The following ANKRD18A variants were observed in gnomAD, a reference collection of about 807,000 sequenced individuals.
ANKRD18A encodes ankyrin repeat domain-containing protein 18A.
Under a neutral mutation model 110.6 loss-of-function variants are expected in ANKRD18A, and 72 were observed. The observed-to-expected ratio is 0.65, with a 90% CI of 0.54 to 0.79. ANKRD18A has a LOEUF of 0.79. Ranked by LOEUF, ANKRD18A falls within the 30% of genes least tolerant of loss-of-function variation. The pLI is 0.00. For synonymous variants in ANKRD18A, 305 were observed against 410.3 expected, an observed-to-expected ratio of 0.74 and a Z score of 3.10; for missense variants, 934 against 1,163.3, an observed-to-expected ratio of 0.80 and a Z score of 2.87.
intron 8 of ANKRD18A, 46 bp downstream of exon 8, chr9:38,601,085 A>G: frequency 6.6e-7 from 1 of 1,514,762 alleles, no homozygotes; most frequent in Non-Finnish European, 9.0e-7. Context: ...AAAGAAAAAC[A>G]AACAAACAAA....
At chr9:38,598,298 C>T (rs1161586927) in intron 8 of ANKRD18A, among the ~76,000 whole-genome samples, 1 of 152,166 alleles carries the variant, frequency 6.6e-6, no homozygotes, top group Non-Finnish European at 1.5e-5. Context: ...TTTCCCAGCC[C>T]ATATGCCACT....
chr9:38,571,122 C>A (rs1315587880), downstream of ANKRD18A: 2 of 1,530,600 alleles, frequency 1.3e-6, no homozygotes, highest in Non-Finnish European at 1.7e-6. Context: ...TTCTTGGTAC[C>A]TCAGTGGATG....
intron 10 of ANKRD18A, among the ~76,000 whole-genome samples, chr9:38,591,989 C>A (rs1215820309): frequency 6.6e-6 from 1 of 152,216 alleles, no homozygotes; most frequent in East Asian, 1.9e-4. Flanking sequence ...ATCAGACAAG[C>A]TGCAGCCAGA....
intron 3 of ANKRD18A, among the ~76,000 whole-genome samples, chr9:38,611,965 A>T (rs941064214): frequency 6.6e-6 from 1 of 152,206 alleles, no homozygotes; most frequent in Non-Finnish European, 1.5e-5. Flanking sequence ...TCAGGGATAC[A>T]GTTGCCAGAG....
intron 5 of ANKRD18A, among the ~76,000 whole-genome samples, chr9:38,608,121 A>G (rs1353314588): frequency 1.3e-5 from 2 of 152,218 alleles, no homozygotes; most frequent in African/African-American, 2.4e-5. Flanking sequence ...GCTAGTTCAT[A>G]ACTTGTAACT....
intron 10 of ANKRD18A, among the ~76,000 whole-genome samples, chr9:38,589,048 A>T (rs1196465629): frequency 2.0e-5 from 3 of 152,240 alleles, no homozygotes; most frequent in Non-Finnish European, 4.4e-5. Flanking sequence ...CATCTTACTA[A>T]GATGATTTTT....
intron 11 of ANKRD18A, among the ~76,000 whole-genome samples, chr9:38,587,925 T>A (rs1488988551): frequency 6.6e-6 from 1 of 152,078 alleles, no homozygotes; most frequent in African/African-American, 2.4e-5. Flanking sequence ...CCATCTCTAC[T>A]AAAAATACAA....
intron 11 of ANKRD18A, among the ~76,000 whole-genome samples, chr9:38,586,661 C>T (rs147494661): frequency 0.034 from 5,175 of 152,006 alleles, 127 homozygotes; most frequent in African/African-American, 0.06. Flanking sequence ...GCTTCCTGGA[C>T]TCAAGTGATT....
At chr9:38,593,737 T>C in intron 10 of ANKRD18A, 23 bp downstream of exon 10, 1 of 1,509,360 alleles carries the variant, frequency 6.6e-7, no homozygotes, top group Non-Finnish European at 8.9e-7. Flanking sequence ...ATTAACTGTC[T>C]ACATGTTAAA....
chr9:38,571,220 A>G (rs561976255), downstream of ANKRD18A: 4 of 1,516,552 alleles, frequency 2.6e-6, no homozygotes, highest in South Asian at 1.2e-5. Flanking sequence ...GAGAAAATAC[A>G]TTAGTTTAGA....
At chr9:38,611,592 A>T (rs1832316) in intron 3 of ANKRD18A, among the ~76,000 whole-genome samples, 1,536 of 152,316 alleles carry the variant, frequency 0.01, 23 homozygotes, top group African/African-American at 0.035. Flanking sequence ...CATTTAGCAC[A>T]GTCCATTGTA....
At chr9:38,599,342 C>T (rs1016766910) in intron 8 of ANKRD18A, among the ~76,000 whole-genome samples, 5 of 152,180 alleles carry the variant, frequency 3.3e-5, no homozygotes, top group Non-Finnish European at 5.9e-5. Flanking sequence ...CATCAGATTA[C>T]GGGGCACTCC....
At chr9:38,614,304 A>T (rs1825767912) in intron 3 of ANKRD18A, among the ~76,000 whole-genome samples, 1 of 139,068 alleles carries the variant, frequency 7.2e-6, no homozygotes, top group African/African-American at 2.7e-5. Context: ...ACGGGGTTTC[A>T]CCATGTTAGC....
chr9:38,597,995 G>C (rs1031161629), intron 8 of ANKRD18A, among the ~76,000 whole-genome samples: 1 of 152,168 alleles, frequency 6.6e-6, no homozygotes, highest in Non-Finnish European at 1.5e-5. Context: ...AAGTGGCCAT[G>C]ATGGAATTAT....
intron 15 of ANKRD18A, among the ~76,000 whole-genome samples, chr9:38,574,460 G>T (rs200587712): frequency 3.9e-5 from 6 of 152,172 alleles, no homozygotes; most frequent in South Asian, 2.1e-4. Context: ...GGGATTACAG[G>T]TGCCTGCCAC....
intron 8 of ANKRD18A, among the ~76,000 whole-genome samples, chr9:38,600,102 AG>A (rs1444598006): frequency 3.3e-5 from 5 of 152,238 alleles, no homozygotes; most frequent in African/African-American, 4.8e-5. Flanking sequence ...ATTATAACTA[AG>A]AAGTAAAAAT....
downstream of ANKRD18A, chr9:38,569,207 G>A (rs1291422026): frequency 2.0e-6 from 2 of 982,490 alleles, no homozygotes; most frequent in Non-Finnish European, 2.4e-6. Context: ...GGTTGTCCTG[G>A]TGGTCCTGGG....
chr9:38,601,094 A>T (rs1286833511), intron 8 of ANKRD18A, 37 bp downstream of exon 8: 2 of 1,525,586 alleles, frequency 1.3e-6, no homozygotes, highest in Admixed American at 4.0e-5. Context: ...CAAACAAACA[A>T]ACCAGTATTA....
At chr9:38,616,545 T>C (rs1192398464) in intron 1 of ANKRD18A, among the ~76,000 whole-genome samples, 1 of 152,186 alleles carries the variant, frequency 6.6e-6, no homozygotes, top group Admixed American at 6.5e-5. Flanking sequence ...CTGGCACTTG[T>C]AGGCTCAAGC....
Sources: gnomAD v4.1 joint callset for allele counts (sites outside exome capture counted in the v4.1 genomes callset) on GRCh38, gnomAD v4.1.1 for gene constraint, MANE v1.5 for transcripts, NCBI Gene and HGNC (gene_info 2026-07-23, HGNC 2026-07-21) for gene names.